Variants in ANKS1A observed in about 807,000 individuals in gnomAD.
ANKS1A encodes ankyrin repeat and SAM domain-containing protein 1A.
ANKS1A carries 55 observed loss-of-function variants against 120.3 expected under a neutral mutation model. That is an observed-to-expected ratio of 0.46 (90% CI 0.37 to 0.57). ANKS1A has a LOEUF of 0.57. ANKS1A is among the 20% of genes least tolerant of loss of function. The probability of loss-of-function intolerance (pLI) is 0.00; values close to 1 mark genes in which losing one functional copy is unlikely to be tolerated. For missense variants in ANKS1A, 1,123 were observed against 1,480.3 expected, an observed-to-expected ratio of 0.76 and a Z score of 3.96; for synonymous variants, 590 against 604.7, an observed-to-expected ratio of 0.98 and a Z score of 0.36.
In ANKS1A at chr6:34,953,845, A is replaced by G. The variant is rs764327312; in HGVS notation, c.198-13394A>G. Among the ~76,000 whole-genome samples, 91 of 152,302 alleles carry G rather than the reference A, an allele frequency of 6.0e-4. 1 individual carries two copies. The highest frequency in any genetic ancestry group is 1.0e-3 in the Non-Finnish European group (70 of 68,020). Reference sequence around the variant, plus strand: ...TTTGCTCATTGAGTAAATACGCTGAATGACTCACCCTTAGAATCAGAATTG... The same window carrying G: ...TTTGCTCATTGAGTAAATACGCTGAGTGACTCACCCTTAGAATCAGAATTG... On this transcript the variant is annotated intron_variant, in intron 1 of 23. Transcript: ENST00000360359.
intron 9 of ANKS1A, among the ~76,000 whole-genome samples, chr6:34,991,564 A>G (rs2127535515): frequency 7.1e-6 from 1 of 141,146 alleles, no homozygotes; most frequent in Non-Finnish European, 1.6e-5. Context: ...ACACACACAC[A>G]CACACACACA....
At chr6:35,083,050 T>C in intron 18 of ANKS1A, 105 bp from the exon 19 acceptor site, 1 of 1,421,978 alleles carries the variant, frequency 7.0e-7, no homozygotes, top group Non-Finnish European at 9.7e-7. Context: ...GGTGTTGTTA[T>C]TGAGAGGGGT....
In ANKS1A at chr6:35,090,893, A is replaced by C. The variant is rs928705071; in HGVS notation, c.*2284A>C. 4.1e-6 allele frequency: 4 copies of C among 985,596 alleles called. No homozygotes were observed. Among genetic ancestry groups the C allele is most frequent in the South Asian group, 4.7e-5 (1 of 21,292 alleles). 61.1% of individuals were successfully genotyped at this position (985,596 alleles called of 1,614,324 possible). Reference sequence around the variant, plus strand: ...CCCCTGCCCACCAGCTGCTCAGCGCATAAGACCTTCCCGACAGGCTCTGCG... The same window carrying C: ...CCCCTGCCCACCAGCTGCTCAGCGCCTAAGACCTTCCCGACAGGCTCTGCG... On this transcript the variant is annotated 3_prime_UTR_variant, in exon 24 of 24. Transcript: ENST00000360359.
At chr6:35,077,418 G>A (rs1219665291) in intron 13 of ANKS1A, among the ~76,000 whole-genome samples, 1 of 152,224 alleles carries the variant, frequency 6.6e-6, no homozygotes, top group African/African-American at 2.4e-5. Flanking sequence ...TGTATATTCC[G>A]TGATAAGAAC....
intron 10 of ANKS1A, among the ~76,000 whole-genome samples, chr6:35,008,181 A>G (rs956018138): frequency 6.6e-6 from 1 of 152,102 alleles, no homozygotes; most frequent in Non-Finnish European, 1.5e-5. Flanking sequence ...CAGTTTGACA[A>G]TTAAGCCTTA....
At chr6:35,077,950 C>G (rs1357540808) in intron 13 of ANKS1A, among the ~76,000 whole-genome samples, 1 of 152,224 alleles carries the variant, frequency 6.6e-6, no homozygotes, top group Non-Finnish European at 1.5e-5. Flanking sequence ...CAGGTGGGCG[C>G]TCCGTGTGCC....
intron 1 of ANKS1A, among the ~76,000 whole-genome samples, chr6:34,925,445 A>G (rs1581701080): frequency 6.6e-6 from 1 of 152,210 alleles, no homozygotes; most frequent in African/African-American, 2.4e-5. Flanking sequence ...AAGGCCTTCA[A>G]TGCTCTGTAC....
At chr6:34,891,272 A>G (rs1356930852) in intron 1 of ANKS1A, among the ~76,000 whole-genome samples, 1 of 152,214 alleles carries the variant, frequency 6.6e-6, no homozygotes. Context: ...ACAGGAGAAG[A>G]ACTTCCTGCC....
chr6:34,983,229 C>T lies in ANKS1A; in HGVS notation c.910+15C>T, dbSNP rs1309781704. On this transcript the variant is annotated intron_variant, in intron 6 of 23. Transcript: ENST00000360359. The stretch of plus-strand genomic sequence containing the variant: ...ATTAATTGAAGGTATCATCCTTTCT[C>T]CCTGTCTGGGTGACCAGGGGACACA... 6.2e-6 allele frequency: 10 copies of T among 1,613,602 alleles called. No homozygotes were observed. Among genetic ancestry groups the T allele is most frequent in the African/African-American group, 2.7e-5 (2 of 74,936 alleles).
intron 1 of ANKS1A, among the ~76,000 whole-genome samples, chr6:34,936,010 C>T (rs1769233872): frequency 1.5e-5 from 2 of 137,828 alleles, no homozygotes; most frequent in South Asian, 2.3e-4. Flanking sequence ...TGCAGTGAGC[C>T]GAGATCCCGC....
intron 13 of ANKS1A, 61 bp from the exon 14 acceptor site, chr6:35,078,497 C>G: frequency 4.6e-6 from 7 of 1,514,688 alleles, no homozygotes; most frequent in Non-Finnish European, 6.4e-6. Context: ...CCACCTGACC[C>G]CCTCAGGGCC....
At chr6:34,970,193 C>T in intron 3 of ANKS1A, 27 bp downstream of exon 3, 1 of 1,600,040 alleles carries the variant, frequency 6.2e-7, no homozygotes, top group Non-Finnish European at 8.5e-7. Context: ...GCTTTCCTTC[C>T]TCCATTCAGC....
chr6:34,924,960 T>C (rs916896319), intron 1 of ANKS1A, among the ~76,000 whole-genome samples: 28 of 152,204 alleles, frequency 1.8e-4, no homozygotes, highest in African/African-American at 2.7e-4. Context: ...TCACTTTTTT[T>C]CCCCTGCCTA....
intron 1 of ANKS1A, among the ~76,000 whole-genome samples, chr6:34,910,803 G>A (rs1440641907): frequency 6.7e-6 from 1 of 149,484 alleles, no homozygotes; most frequent in Non-Finnish European, 1.5e-5. Context: ...AGAGGTTGCA[G>A]TGAGCCGAGA....
intron 1 of ANKS1A, among the ~76,000 whole-genome samples, chr6:34,931,303 C>CA (rs940200489): frequency 6.6e-6 from 1 of 152,054 alleles, no homozygotes; most frequent in Non-Finnish European, 1.5e-5. Context: ...CTCACCACCA[C>CA]ACCTGGCTAA....
At position 35,060,175 on chromosome 6, in the gene ANKS1A, G is replaced by A. The variant is rs1162467222; in HGVS notation, c.2106G>A (p.Gly702=). The change falls in exon 13 of 24, where the codon GGG becomes GGA. Residue 702 remains glycine (G), a synonymous_variant. Transcript: ENST00000360359. The surrounding 1 kb of genome is among the most constrained non-coding windows in gnomAD (Gnocchi z 4.5). ...TACGGACGCTGGAGCAGAGTGTCGG[G>A]GAGTGGCTGGAGTCGATTGGGCTGC... ...SGLRTLEQSV[G]EWLESIGLQQ... is the part of the protein sequence containing the mutation. 6.2e-6 allele frequency: 10 copies of A among 1,612,742 alleles called. No individual in the cohort carries two copies. The highest frequency in any genetic ancestry group is 8.5e-6 in the Non-Finnish European group (10 of 1,179,642).
At chr6:34,916,251 C>T (rs924445021) in intron 1 of ANKS1A, among the ~76,000 whole-genome samples, 1 of 152,176 alleles carries the variant, frequency 6.6e-6, no homozygotes, top group East Asian at 1.9e-4. Context: ...CCTCGGCCTC[C>T]TAAAGTGCTG....
At chr6:34,894,368 A>G (rs964532064) in intron 1 of ANKS1A, among the ~76,000 whole-genome samples, 8 of 152,180 alleles carry the variant, frequency 5.3e-5, no homozygotes, top group African/African-American at 1.9e-4. Flanking sequence ...AAAACCAATC[A>G]TGGCCAGGCA....
rs1345342457 is a variant in ANKS1A, at chr6:35,085,814, G to A, written c.3181G>A (p.Ala1061Thr). 1 of 1,612,490 alleles carries A rather than the reference G, an allele frequency of 6.2e-7. No homozygotes were observed. Among genetic ancestry groups the A allele is most frequent in the Non-Finnish European group, 8.5e-7 (1 of 1,179,308 alleles). The change falls in exon 22 of 24, where the codon GCC becomes ACC. Residue 1061 changes from alanine (A) to threonine (T), a missense_variant. Coordinates refer to ENST00000360359, the MANE Select transcript of ANKS1A (RefSeq NM_015245.3). The surrounding 1 kb of genome is among the most constrained non-coding windows in gnomAD (Gnocchi z 4.7). ...ILTLGQAFEVAYQLALQAQKS... is the reference protein window; with the variant it reads ...ILTLGQAFEVTYQLALQAQKS... ...GACGCTGGGGCAGGCCTTCGAAGTG[G>A]CCTATCAGTTGGCCCTGCAGGCCCA...
Sources: gnomAD v4.1 joint callset for allele counts (sites outside exome capture counted in the v4.1 genomes callset) on GRCh38, gnomAD v4.1.1 for gene constraint, Gnocchi (gnomAD v3.1) non-coding constraint, MANE v1.5 for transcripts, NCBI Gene and HGNC (gene_info 2026-07-23, HGNC 2026-07-21) for gene names.